Variants in DPF2 observed in about 807,000 individuals in gnomAD.
DPF2 encodes zinc finger protein ubi-d4.
DPF2 carries 10 observed loss-of-function variants against 59.6 expected under a neutral mutation model. That is an observed-to-expected ratio of 0.17 (90% CI 0.10 to 0.28). The LOEUF is 0.28. Among genes scored for constraint, DPF2 ranks in the 10% least tolerant of loss-of-function variants. The pLI is 1.00. For synonymous variants in DPF2, 189 were observed against 190.6 expected, an observed-to-expected ratio of 0.99 and a Z score of 0.07; for missense variants, 315 against 509.4, an observed-to-expected ratio of 0.62 and a Z score of 3.67.
At chr11:65,335,218 A>G (rs1950080553) in intron 1 of DPF2, among the ~76,000 whole-genome samples, 1 of 151,716 alleles carries the variant, frequency 6.6e-6, no homozygotes, top group African/African-American at 2.4e-5. Flanking sequence ...ATTTTTCTCA[A>G]TTTAGAAATG....
At chr11:65,342,592 A>G (rs1854404835) in intron 4 of DPF2, among the ~76,000 whole-genome samples, 1 of 152,246 alleles carries the variant, frequency 6.6e-6, no homozygotes, top group Admixed American at 6.5e-5. Context: ...TGTAAAAATA[A>G]CAGCTATAAA....
intron 9 of DPF2, 83 bp from the exon 10 acceptor site, chr11:65,348,767 C>G (rs1163550875): frequency 2.1e-6 from 3 of 1,400,286 alleles, no homozygotes; most frequent in African/African-American, 2.8e-5. Flanking sequence ...CTACCTACCC[C>G]TCTTGGAAAT....
chr11:65,345,924 C>G lies in DPF2; in HGVS notation c.776-6C>G. 1 of 1,614,064 alleles carries G rather than the reference C, an allele frequency of 6.2e-7. No homozygotes were observed. Among genetic ancestry groups the G allele is most frequent in the Non-Finnish European group, 8.5e-7 (1 of 1,179,966 alleles). Reference sequence around the variant, plus strand: ...TGGGTGTCATCAAAACTCTTTCTCTCTGTAGCCAAAAAGGGTCCTGATGGA... The same window carrying G: ...TGGGTGTCATCAAAACTCTTTCTCTGTGTAGCCAAAAAGGGTCCTGATGGA... On this transcript the variant is annotated splice_region_variant and splice_polypyrimidine_tract_variant and intron_variant, in intron 7 of 10. Coordinates refer to ENST00000528416, the MANE Select transcript of DPF2 (RefSeq NM_006268.5).
rs1342753668 is a variant in DPF2, at chr11:65,352,952, A to G, written c.*1193A>G. The G allele has an allele frequency of 6.6e-6, 1 of 151,896 alleles. No individual in the cohort carries two copies. Among genetic ancestry groups the G allele is most frequent in the South Asian group, 2.1e-4 (1 of 4,824 alleles). The allele number at this position is 151,896 out of a possible 1,614,324, so 9.4% of individuals were successfully genotyped here. A position where few individuals can be genotyped will look rare whatever the true frequency, so the allele number is the denominator to read the frequency against. On this transcript the variant is annotated 3_prime_UTR_variant, in exon 11 of 11. Transcript: ENST00000528416. ...TTTCTTTAGTTCCTGTATTCTAAAC[A>G]TTAGTAAAAATAAATGTTTTTACAC...
rs750931920 is a variant in DPF2 at position 65,337,452 on chromosome 11, C to CAAA, written c.33-2912_33-2910dup. 4.9e-3 allele frequency among the ~76,000 whole-genome samples: 66 copies of CAAA among 13,530 alleles called. 5 individuals carry two copies. The highest frequency in any genetic ancestry group is 6.9e-3 in the Non-Finnish European group (54 of 7,864). The allele number at this position is 13,530 out of a possible 152,430, so 8.9% of individuals were successfully genotyped here. ...TGGGCGGCAAAGCAAGACTCTATCT[C>CAAA]AAAAAAAAAAAAAAAAAAAAAAATA... On this transcript the variant is annotated intron_variant, in intron 1 of 10. Coordinates refer to ENST00000528416, the MANE Select transcript of DPF2 (RefSeq NM_006268.5).
chr11:65,340,877 C>A, intron 2 of DPF2, 89 bp from the exon 3 acceptor site: 1 of 1,333,304 alleles, frequency 7.5e-7, no homozygotes, highest in Non-Finnish European at 1.0e-6. Context: ...CTCTAGAACT[C>A]AAAGGGGGGC....
At chr11:65,351,603 T>C in intron 10 of DPF2, 80 bp from the exon 11 acceptor site, 1 of 1,200,842 alleles carries the variant, frequency 8.3e-7, no homozygotes, top group African/African-American at 1.5e-5. Flanking sequence ...GCTATAGAGA[T>C]GGGGTATCAA....
chr11:65,343,520 T>G (rs751986292), intron 4 of DPF2: 1 of 555,488 alleles, frequency 1.8e-6, no homozygotes. Context: ...GGGAAAGCAT[T>G]TCAGGCTAAG....
chr11:65,334,638 A>T (rs1028428210), intron 1 of DPF2, among the ~76,000 whole-genome samples: 6 of 152,198 alleles, frequency 3.9e-5, no homozygotes, highest in Admixed American at 1.3e-4. Flanking sequence ...TGCTGGTCAG[A>T]TTTCAAGCAA....
chr11:65,334,714 A>T (rs1016725921), intron 1 of DPF2, among the ~76,000 whole-genome samples: 2 of 152,204 alleles, frequency 1.3e-5, no homozygotes, highest in African/African-American at 2.4e-5. Context: ...TGAGTTAAAG[A>T]TGCTTTGGGA....
chr11:65,346,180 C>T, intron 8 of DPF2, 67 bp from the exon 9 acceptor site: 1 of 1,598,468 alleles, frequency 6.3e-7, no homozygotes, highest in Non-Finnish European at 8.5e-7. Context: ...GATGTAGCCA[C>T]AGGCAGGAGC....
chr11:65,344,133 G>C, intron 6 of DPF2, 64 bp downstream of exon 6: 2 of 1,524,944 alleles, frequency 1.3e-6, no homozygotes, highest in Non-Finnish European at 1.8e-6. Context: ...CTGGATATGA[G>C]AGGAGGGAGG....
At chr11:65,345,583 G>A in intron 6 of DPF2, 83 bp from the exon 7 acceptor site, 1 of 1,575,194 alleles carries the variant, frequency 6.3e-7, no homozygotes, top group Admixed American at 1.7e-5. Flanking sequence ...TCTGCCTCAG[G>A]TGGAGCCCCC....
At chr11:65,349,920 G>T (rs1854643886) in intron 10 of DPF2, among the ~76,000 whole-genome samples, 1 of 152,176 alleles carries the variant, frequency 6.6e-6, no homozygotes. Flanking sequence ...GTTTCATTGT[G>T]TGATGTAAGC....
intron 1 of DPF2, among the ~76,000 whole-genome samples, chr11:65,334,127 G>A (rs1950064802): frequency 2.0e-5 from 3 of 152,252 alleles, no homozygotes; most frequent in Admixed American, 2.0e-4. Flanking sequence ...GCACACTGGA[G>A]CCCCGACGGG....
chr11:65,342,177 A>G (rs1037217535), intron 4 of DPF2, among the ~76,000 whole-genome samples: 5 of 152,156 alleles, frequency 3.3e-5, no homozygotes, highest in East Asian at 1.9e-4. Context: ...AGATTTATCA[A>G]TTCCACATTT....
At chr11:65,346,204 C>G (rs1442973660) in intron 8 of DPF2, 43 bp from the exon 9 acceptor site, 1 of 1,605,452 alleles carries the variant, frequency 6.2e-7, no homozygotes, top group South Asian at 1.1e-5. Flanking sequence ...TCTCTTCCCC[C>G]CGCATTTCCG....
intron 9 of DPF2, 37 bp downstream of exon 9, chr11:65,346,396 C>T (rs756475845): frequency 6.3e-7 from 1 of 1,584,076 alleles, no homozygotes; most frequent in Non-Finnish European, 8.6e-7. Flanking sequence ...ATGGCTCCTT[C>T]TGGGCTTTTA....
intron 1 of DPF2, among the ~76,000 whole-genome samples, chr11:65,334,588 G>T (rs1168689157): frequency 6.6e-6 from 1 of 152,192 alleles, no homozygotes; most frequent in African/African-American, 2.4e-5. Context: ...GCCTAAAGGG[G>T]CATCTAGGTG....
Sources: gnomAD v4.1 joint callset for allele counts (sites outside exome capture counted in the v4.1 genomes callset) on GRCh38, gnomAD v4.1.1 for gene constraint, MANE v1.5 for transcripts, NCBI Gene and HGNC (gene_info 2026-07-23, HGNC 2026-07-21) for gene names.